The following AGBL1 variants were observed in gnomAD, a reference collection of about 807,000 sequenced individuals.
AGBL1 encodes cytosolic carboxypeptidase 4.
A neutral mutation model predicts 118.9 loss-of-function variants in AGBL1; 130 were observed. That is an observed-to-expected ratio of 1.09 (90% confidence interval 0.95 to 1.26). The LOEUF (loss-of-function observed/expected upper bound fraction) is 1.26, where lower values mean the gene tolerates loss of function less well. AGBL1 is among the 50% of genes most tolerant of loss of function. AGBL1 has a pLI of 0.00. For synonymous variants in AGBL1, 555 were observed against 478.9 expected, an observed-to-expected ratio of 1.16 and a Z score of -2.08; for missense variants, 1,584 against 1,298.1, an observed-to-expected ratio of 1.22 and a Z score of -3.38.
intron 24 of AGBL1, among the ~76,000 whole-genome samples, chr15:87,026,194 G>GCTA (rs1596755379): frequency 1.3e-5 from 2 of 151,976 alleles, no homozygotes; most frequent in East Asian, 3.9e-4. Flanking sequence ...CACGGCAAAA[G>GCTA]GAACAGTTAG....
At chr15:86,266,529 T>C (rs2079075088) in intron 12 of AGBL1, 72 bp downstream of exon 12, 2 of 1,070,948 alleles carry the variant, frequency 1.9e-6, no homozygotes, top group Non-Finnish European at 2.7e-6. Flanking sequence ...ATAGACATGT[T>C]TCCTGTTAAT....
intron 2 of AGBL1, among the ~76,000 whole-genome samples, chr15:86,143,404 A>G (rs1207739493): frequency 6.6e-6 from 1 of 152,216 alleles, no homozygotes; most frequent in Non-Finnish European, 1.5e-5. Context: ...ATGTACACAC[A>G]TGTATACATA....
chr15:86,192,002 G>A (rs2077730423), intron 5 of AGBL1, among the ~76,000 whole-genome samples: 1 of 151,440 alleles, frequency 6.6e-6, no homozygotes. Flanking sequence ...TTAGGAGGCT[G>A]AGGTTGGAGG....
In AGBL1 at chr15:86,288,078, G is replaced by C. The variant is rs141452476; in HGVS notation, c.2221-7177G>C. Among the ~76,000 whole-genome samples the C allele has an allele frequency of 4.0e-3, 608 of 152,218 alleles. 6 individuals are homozygous for C. Among genetic ancestry groups the C allele is most frequent in the African/African-American group, 0.014 (567 of 41,532 alleles). ...TTACACACTACGGGATATATTTTGG[G>C]AAATGCTGCAACCAAGTTTCCCTTT... On this transcript the variant is annotated intron_variant, in intron 16 of 22. Transcript: ENST00000614907.
At chr15:87,025,529 G>A (rs142488950) in intron 24 of AGBL1, among the ~76,000 whole-genome samples, 4,370 of 152,126 alleles carry the variant, frequency 0.029, 88 homozygotes, top group Middle Eastern at 0.058. Context: ...CACATCCCAT[G>A]CTCATGGATG....
rs2080309514 is a variant in AGBL1 at position 86,908,422 on chromosome 15, T to C, written c.*1128T>C. The C allele has an allele frequency of 6.6e-6, 1 of 152,182 alleles. No individual in the cohort carries two copies. The highest frequency in any genetic ancestry group is 6.6e-5 in the Admixed American group (1 of 15,250). The allele number at this position is 152,182 out of a possible 1,614,324, so 9.4% of individuals were successfully genotyped here. ...TACTTGGGAGGCTGAGAAAGGAGAA[T>C]CGCTTGAACTTGGGAGGTGGAGGTT... On this transcript the variant is annotated 3_prime_UTR_variant, in exon 23 of 23. Coordinates refer to ENST00000614907, the MANE Select transcript of AGBL1 (RefSeq NM_001386094.1).
chr15:86,432,818 T>G (rs2081951201), intron 18 of AGBL1, among the ~76,000 whole-genome samples: 1 of 152,200 alleles, frequency 6.6e-6, no homozygotes, highest in Non-Finnish European at 1.5e-5. Flanking sequence ...AAGAGGTTTT[T>G]TTTTGCTTTG....
intron 23 of AGBL1, among the ~76,000 whole-genome samples, chr15:86,968,792 G>C (rs2081078972): frequency 6.6e-6 from 1 of 151,870 alleles, no homozygotes; most frequent in Non-Finnish European, 1.5e-5. Context: ...AGGCTGGAAA[G>C]TCCACAATCA....
chr15:86,849,517 C>CTTTTTTTTTTTTTTTTTTTT (rs68185029), intron 22 of AGBL1, among the ~76,000 whole-genome samples: 1 of 136,798 alleles, frequency 7.3e-6, no homozygotes, highest in African/African-American at 2.7e-5. Context: ...TTCTTTCTTT[C>CTTTTTTTTTTTTTTTTTTTT]TTTTTTTTTT....
intron 5 of AGBL1, among the ~76,000 whole-genome samples, chr15:86,203,422 C>G (rs1206331622): frequency 1.3e-5 from 2 of 152,160 alleles, no homozygotes; most frequent in Non-Finnish European, 2.9e-5. Flanking sequence ...GTCATTGTTT[C>G]TGAAACTGGC....
chr15:86,882,071 G>T (rs1731168330), intron 22 of AGBL1, among the ~76,000 whole-genome samples: 1 of 152,074 alleles, frequency 6.6e-6, no homozygotes, highest in Admixed American at 6.5e-5. Flanking sequence ...GCATTAAATG[G>T]GAAACTATGA....
At chr15:86,293,489 G>A (rs555556274) in intron 16 of AGBL1, among the ~76,000 whole-genome samples, 14 of 152,248 alleles carry the variant, frequency 9.2e-5, no homozygotes, top group Non-Finnish European at 4.4e-5. Context: ...CTGCAGCCAG[G>A]AAAGGGCCTC....
chr15:86,154,572 C>G lies in AGBL1; in HGVS notation c.394+11C>G. On this transcript the variant is annotated intron_variant, in intron 4 of 22. Coordinates refer to ENST00000614907, the MANE Select transcript of AGBL1 (RefSeq NM_001386094.1). ...TGTTTGCCTCCAGTGGTAAGTGACT[C>G]TATTGTGGCTCTCGGGGATGGCTTC... 1 of 1,595,840 alleles carries G rather than the reference C, an allele frequency of 6.3e-7. No individual in the cohort carries two copies. The highest frequency in any genetic ancestry group is 8.6e-7 in the Non-Finnish European group (1 of 1,169,118).
chr15:86,695,193 A>G (rs993699166), intron 22 of AGBL1, among the ~76,000 whole-genome samples: 6 of 151,944 alleles, frequency 3.9e-5, no homozygotes, highest in Non-Finnish European at 5.9e-5. Context: ...TGAATGTCCA[A>G]TAGAATTCAG....
At chr15:86,918,149 T>C (rs1158472520), downstream of AGBL1, among the ~76,000 whole-genome samples, 3 of 152,246 alleles carry the variant, frequency 2.0e-5, no homozygotes, top group Admixed American at 2.0e-4. Context: ...ATGATGGTAA[T>C]GATAATAATC....
At chr15:86,334,455 A>T (rs2080327338) in intron 17 of AGBL1, among the ~76,000 whole-genome samples, 1 of 152,218 alleles carries the variant, frequency 6.6e-6, no homozygotes, top group Admixed American at 6.5e-5. Context: ...ACGTCTAACC[A>T]AGGAGGTGAA....
intron 17 of AGBL1, among the ~76,000 whole-genome samples, chr15:86,339,412 A>G (rs1379992815): frequency 6.6e-6 from 1 of 152,018 alleles, no homozygotes; most frequent in Admixed American, 6.6e-5. Flanking sequence ...TTAAACCATT[A>G]TTTCTTTTAG....
At chr15:86,169,646 A>G (rs2077388181) in intron 5 of AGBL1, among the ~76,000 whole-genome samples, 1 of 152,238 alleles carries the variant, frequency 6.6e-6, no homozygotes, top group Non-Finnish European at 1.5e-5. Context: ...ACAAATGTAA[A>G]TGCTATGTAA....
chr15:86,245,586 A>G (rs1441298709), intron 6 of AGBL1, among the ~76,000 whole-genome samples: 1 of 152,222 alleles, frequency 6.6e-6, no homozygotes, highest in Non-Finnish European at 1.5e-5. Flanking sequence ...AAAGTAGTGT[A>G]TATTAACTGT....
Sources: gnomAD v4.1 joint callset for allele counts (sites outside exome capture counted in the v4.1 genomes callset) on GRCh38, gnomAD v4.1.1 for gene constraint, MANE v1.5 for transcripts, NCBI Gene and HGNC (gene_info 2026-07-23, HGNC 2026-07-21) for gene names.